FAM227B: variants seen among roughly 807,000 people sequenced by gnomAD.
FAM227B encodes family with sequence similarity 227 member B.
A neutral mutation model predicts 73.8 loss-of-function variants in FAM227B; 88 were observed. That is an observed-to-expected ratio of 1.19 (90% CI 1.00 to 1.42). The LOEUF (loss-of-function observed/expected upper bound fraction) is 1.42. Among genes scored for constraint, FAM227B ranks in the 40% most tolerant of loss-of-function variants. The probability of loss-of-function intolerance (pLI) is 0.00; values close to 1 mark genes in which losing one functional copy is unlikely to be tolerated. For synonymous variants in FAM227B, 210 were observed against 190.5 expected, an observed-to-expected ratio of 1.10 and a Z score of -0.84; for missense variants, 632 against 590.9, an observed-to-expected ratio of 1.07 and a Z score of -0.72.
intron 9 of FAM227B, among the ~76,000 whole-genome samples, chr15:49,547,723 CAA>C (rs1397650557): frequency 1.3e-5 from 2 of 152,074 alleles, no homozygotes; most frequent in Admixed American, 6.6e-5. Context: ...TTAAAAAAGA[CAA>C]AGAGACATTT....
chr15:49,613,975 T>C (rs554637888), intron 2 of FAM227B, among the ~76,000 whole-genome samples: 1 of 152,328 alleles, frequency 6.6e-6, no homozygotes, highest in South Asian at 2.1e-4. Context: ...TTCATGGGTA[T>C]AGCAATTTGG....
At chr15:49,610,774 A>G (rs1349048805) in intron 3 of FAM227B, among the ~76,000 whole-genome samples, 1 of 152,152 alleles carries the variant, frequency 6.6e-6, no homozygotes, top group African/African-American at 2.4e-5. Context: ...TTGCATAACA[A>G]TGGAAACTGA....
At position 49,332,087 on chromosome 15, in the gene FAM227B, C is replaced by CCACA. The variant is rs377139081; in HGVS notation, c.1350-242_1350-239dup. Among the ~76,000 whole-genome samples, 708 of 127,976 alleles carry CCACA rather than the reference C, an allele frequency of 5.5e-3. 9 individuals carry two copies. Among genetic ancestry groups the CCACA allele is most frequent in the Non-Finnish European group, 7.7e-3 (415 of 54,094 alleles). The allele number at this position is 127,976 out of a possible 152,430, so 84.0% of individuals were successfully genotyped here. On this transcript the variant is annotated intron_variant, in intron 14 of 15. Transcript: ENST00000299338. ...CACCCCCGCTGCATGTGCACACGTG[C>CCACA]CACACACACACACACACACACACAC...
chr15:49,569,726 A>G (rs1296148266), intron 8 of FAM227B, among the ~76,000 whole-genome samples: 2 of 151,952 alleles, frequency 1.3e-5, no homozygotes, highest in Non-Finnish European at 2.9e-5. Context: ...TGGATCTCAA[A>G]AAGTTATTCC....
chr15:49,443,560 A>G (rs2051882486), intron 11 of FAM227B, among the ~76,000 whole-genome samples: 1 of 151,758 alleles, frequency 6.6e-6, no homozygotes, highest in Admixed American at 6.6e-5. Flanking sequence ...TAACTGTTTC[A>G]TTGTGAATAG....
intron 11 of FAM227B, among the ~76,000 whole-genome samples, chr15:49,501,073 T>C (rs1033965541): frequency 6.6e-6 from 1 of 152,174 alleles, no homozygotes; most frequent in Non-Finnish European, 1.5e-5. Context: ...TCTTGTAAAT[T>C]ACCTGGTCAC....
chr15:49,576,956 C>G, intron 6 of FAM227B, 111 bp from the exon 7 acceptor site: 1 of 605,110 alleles, frequency 1.7e-6, no homozygotes, highest in East Asian at 2.9e-5. Context: ...AACATAATTA[C>G]TTTACTTCTT....
chr15:49,441,705 T>C (rs1169967976), intron 11 of FAM227B, among the ~76,000 whole-genome samples: 1 of 151,754 alleles, frequency 6.6e-6, no homozygotes, highest in Non-Finnish European at 1.5e-5. Flanking sequence ...ATGATTATAA[T>C]ACTATTTTAT....
chr15:49,363,371 T>C (rs904092703), intron 13 of FAM227B, among the ~76,000 whole-genome samples: 2 of 152,182 alleles, frequency 1.3e-5, no homozygotes, highest in African/African-American at 4.8e-5. Flanking sequence ...AGGTATTTTA[T>C]TCTTTTTGTG....
chr15:49,373,091 TATG>T (rs767993495), intron 11 of FAM227B, among the ~76,000 whole-genome samples: 3 of 152,056 alleles, frequency 2.0e-5, no homozygotes, highest in East Asian at 1.9e-4. Context: ...ACTTAATATA[TATG>T]ATATTACTTA....
At chr15:49,371,830 TATAA>T (rs1452057206) in intron 11 of FAM227B, among the ~76,000 whole-genome samples, 1 of 143,558 alleles carries the variant, frequency 7.0e-6, no homozygotes, top group Non-Finnish European at 1.5e-5. Context: ...AAAATTCACT[TATAA>T]ATAAATGAAA....
At chr15:49,367,352 G>A in intron 13 of FAM227B, 96 bp downstream of exon 13, 1 of 1,053,906 alleles carries the variant, frequency 9.5e-7, no homozygotes, top group Non-Finnish European at 1.3e-6. Flanking sequence ...GATAAAACAT[G>A]CATTCAATTT....
At chr15:49,541,499 A>G (rs1488785929) in intron 10 of FAM227B, among the ~76,000 whole-genome samples, 181 bp downstream of exon 10, 1 of 152,156 alleles carries the variant, frequency 6.6e-6, no homozygotes, top group African/African-American at 2.4e-5. Flanking sequence ...GTAATTAATT[A>G]TGGTATAATG....
intron 13 of FAM227B, among the ~76,000 whole-genome samples, chr15:49,355,510 T>A (rs376270242): frequency 7.2e-5 from 11 of 151,820 alleles, no homozygotes; most frequent in Non-Finnish European, 1.2e-4. Context: ...ATGAAATGAA[T>A]GAAATGAAGC....
intron 10 of FAM227B, among the ~76,000 whole-genome samples, chr15:49,508,620 ATAT>A (rs1481958084): frequency 2.6e-5 from 4 of 152,032 alleles, no homozygotes; most frequent in African/African-American, 7.2e-5. Flanking sequence ...ATATGAACTA[ATAT>A]TATTATTAAT....
At chr15:49,546,131 C>T (rs1284925668) in intron 9 of FAM227B, among the ~76,000 whole-genome samples, 1 of 152,004 alleles carries the variant, frequency 6.6e-6, no homozygotes, top group African/African-American at 2.4e-5. Flanking sequence ...ACAACAGGCC[C>T]CGGTGTGTGA....
At chr15:49,473,041 C>T (rs2054922204) in intron 11 of FAM227B, among the ~76,000 whole-genome samples, 1 of 152,112 alleles carries the variant, frequency 6.6e-6, no homozygotes, top group Admixed American at 6.5e-5. Flanking sequence ...ACTCATGTTT[C>T]CAAAGGTACT....
chr15:49,351,604 C>T lies in FAM227B; in HGVS notation c.1271+15844G>A, dbSNP rs545362341. On this transcript the variant is annotated intron_variant, in intron 13 of 15. Coordinates refer to ENST00000299338, the MANE Select transcript of FAM227B (RefSeq NM_152647.3). ...ATACACCGTCCCAAGTTGGGTTTTC[C>T]GGAAAGCGGACCTAAAGACAAAGAT... Among the ~76,000 whole-genome samples the T allele has an allele frequency of 2.8e-4, 43 of 152,262 alleles. No homozygotes were observed. The South Asian group carries it at 7.5e-3, about 26-fold the overall frequency.
chr15:49,589,933 A>G lies in FAM227B; in HGVS notation c.180T>C (p.Asp60=), dbSNP rs759620197. ...WSCTLKKIKE[D]SSFVSIYTHL... ...GTGTATAAATTGAAACAAATGAACT[A>G]TCTTCTTTTATTTTTTTCAGAGTGC... Residue 60 remains aspartate, a synonymous_variant, in exon 4 of 16, where the codon GAT becomes GAC. Coordinates refer to ENST00000299338, the MANE Select transcript of FAM227B (RefSeq NM_152647.3). 1.5e-5 allele frequency: 24 copies of G among 1,604,318 alleles called. No individual in the cohort carries two copies. The East Asian group carries it at 4.7e-4, about 31-fold the overall frequency.
Sources: allele counts gnomAD v4.1 joint callset (sites outside exome capture counted in the v4.1 genomes callset), GRCh38; gene constraint gnomAD v4.1.1; transcripts MANE v1.5; gene names NCBI Gene and HGNC (gene_info 2026-07-23, HGNC 2026-07-21).